The following TAF1D variants were observed in gnomAD, a reference collection of about 807,000 sequenced individuals.
TAF1D encodes the protein TATA-box binding protein associated factor, RNA polymerase I subunit D.
In TAF1D, 23 loss-of-function variants were observed where a neutral mutation model predicts 26.2. The ratio of observed to expected loss-of-function variants is 0.88; its 90% CI spans 0.63 to 1.25. The LOEUF is 1.25. TAF1D is among the 50% of genes most tolerant of loss of function. TAF1D has a pLI of 0.00. For missense variants in TAF1D, 299 were observed against 322.0 expected (o/e 0.93, Z 0.55); for synonymous variants, 100 against 105.6 (o/e 0.95, Z 0.33).
Position 93,738,106 on chromosome 11 carries a change from C to T in TAF1D, c.459+3G>A. ...TAGCCATGTATGTAAAATGCTGACT[C>T]ACCTCAAACGTTAAAATTTTTCTCC... is the stretch of plus-strand genomic sequence containing the variant. On this transcript the variant is annotated splice_donor_region_variant and intron_variant, in intron 3 of 5. Coordinates refer to ENST00000448108, the MANE Select transcript of TAF1D (RefSeq NM_024116.4). 2 of 1,544,958 alleles carry T rather than the reference C, an allele frequency of 1.3e-6. No homozygotes were observed. Among genetic ancestry groups the T allele is most frequent in the Non-Finnish European group, 1.7e-6 (2 of 1,154,766 alleles).
intron 5 of TAF1D, 117 bp downstream of exon 5, chr11:93,736,577 C>T (rs1238244052): frequency 6.8e-7 from 1 of 1,465,776 alleles, no homozygotes; most frequent in Non-Finnish European, 9.0e-7. Context: ...CTGCAGTAAA[C>T]TTATAGAGCT....
In TAF1D at chr11:93,737,102, CA is replaced by C; in HGVS notation, c.596del (p.Leu199TrpfsTer38). 2 of 1,607,946 alleles carry C rather than the reference CA, an allele frequency of 1.2e-6. No homozygotes were observed. The highest frequency in any genetic ancestry group is 2.2e-5 in the East Asian group (1 of 44,672). On this transcript the variant is annotated frameshift_variant, in exon 4 of 6. Transcript: ENST00000448108. LOFTEE classifies it high-confidence loss of function. ...EDFDSRRYKF[L>X]DDDGSISPIE... Reference sequence around the variant, plus strand: ...TAGGAGAAATGGATCCATCATCATCCAAAAATTTGTATCTACGACTGTCAAA... The same window carrying C: ...TAGGAGAAATGGATCCATCATCATCCAAAATTTGTATCTACGACTGTCAAA...
At chr11:93,730,630 C>T (rs776743704), downstream of TAF1D, 3 of 556,850 alleles carry the variant, frequency 5.4e-6, no homozygotes, top group Non-Finnish European at 1.0e-5. Context: ...CCTCATAAGC[C>T]CTCTTTGAAA....
chr11:93,733,556 T>C (rs186098182), downstream of TAF1D: 2,630 of 518,954 alleles, frequency 5.1e-3, 18 homozygotes, highest in Middle Eastern at 0.021. Context: ...TTTCCAACGA[T>C]GTGCAGGCTA....
rs749931424 is a variant in TAF1D, at chr11:93,738,159, C to G, written c.409G>C (p.Glu137Gln). The change falls in exon 3 of 6, where the codon GAA (glutamate) becomes CAA (glutamine). Residue 137 changes from glutamate (E) to glutamine (Q), a missense_variant. By Grantham distance (29) the Glu-to-Gln change is conservative. Coordinates refer to ENST00000448108, the MANE Select transcript of TAF1D (RefSeq NM_024116.4). ...GGTGCGTTTTTTTCATTCTCTGATTCTAAAAATGGGAAGCCAGATCCTCTG... is the reference window on the plus strand; with the variant it reads ...GGTGCGTTTTTTTCATTCTCTGATTGTAAAAATGGGAAGCCAGATCCTCTG... The part of the protein sequence containing the change: ...RSRGSGFPFL[E>Q]SENEKNAPWR... 1.0e-5 allele frequency: 16 copies of G among 1,567,892 alleles called. No individual in the cohort carries two copies. Among genetic ancestry groups the G allele is most frequent in the Non-Finnish European group, 1.4e-5 (16 of 1,167,266 alleles).
downstream of TAF1D, chr11:93,735,303 G>A (rs1940521134): frequency 5.7e-6 from 7 of 1,238,118 alleles, no homozygotes; most frequent in Non-Finnish European, 7.3e-6. Flanking sequence ...TGAACATCGG[G>A]GTAATGACTG....
In TAF1D at chr11:93,737,256, CCATAAGTATGT is replaced by C. The variant is rs1940976486; in HGVS notation, c.460-28_460-18del. Reference sequence around the variant, plus strand: ...AACAGCTTGCTATATATTAAAAACACCATAAGTATGTCGAGATTTTATTTTTAAGACCCAGC... The same window carrying C: ...AACAGCTTGCTATATATTAAAAACACCGAGATTTTATTTTTAAGACCCAGC... On this transcript the variant is annotated intron_variant, in intron 3 of 5. Coordinates refer to ENST00000448108, the MANE Select transcript of TAF1D (RefSeq NM_024116.4). 1 of 1,548,142 alleles carries C rather than the reference CCATAAGTATGT, an allele frequency of 6.5e-7. No individual in the cohort carries two copies. Among genetic ancestry groups the C allele is most frequent in the Non-Finnish European group, 8.7e-7 (1 of 1,144,536 alleles).
chr11:93,733,223 T>C (rs1303192022), downstream of TAF1D: 1 of 519,060 alleles, frequency 1.9e-6, no homozygotes, highest in African/African-American at 1.9e-5. Flanking sequence ...TACAGCCATA[T>C]CCAGCTCTGT....
At chr11:93,736,633 C>T (rs1940847592) in intron 5 of TAF1D, 61 bp downstream of exon 5, 1 of 1,590,098 alleles carries the variant, frequency 6.3e-7, no homozygotes. Context: ...AATATAATTC[C>T]TTCTGTATCA....
downstream of TAF1D, chr11:93,732,614 T>C (rs1280392585): frequency 2.2e-5 from 8 of 362,760 alleles, no homozygotes; most frequent in East Asian, 1.4e-4. Context: ...TTTTTCCTAA[T>C]TGTCACTGTA....
At chr11:93,738,565 G>C (rs1324888115) in intron 2 of TAF1D, 66 bp from the exon 3 acceptor site, 4 of 1,429,782 alleles carry the variant, frequency 2.8e-6, no homozygotes, top group Non-Finnish European at 3.7e-6. Context: ...TTAATACCCA[G>C]TCCTAAATGT....
At chr11:93,733,693 G>A (rs753786516), downstream of TAF1D, 2 of 451,680 alleles carry the variant, frequency 4.4e-6, no homozygotes, top group South Asian at 1.7e-5. Context: ...TGAGCCCAGG[G>A]GTTCGAGGCT....
At position 93,735,725 on chromosome 11, in the gene TAF1D, T is replaced by A; in HGVS notation, c.*436A>T. The A allele has an allele frequency of 7.8e-6, 8 of 1,028,214 alleles. No homozygotes were observed. Among genetic ancestry groups the A allele is most frequent in the Non-Finnish European group, 9.3e-6 (8 of 856,892 alleles). The allele number at this position is 1,028,214 out of a possible 1,614,324, so 63.7% of individuals were successfully genotyped here. A position where few individuals can be genotyped will look rare whatever the true frequency, so the allele number is the denominator to read the frequency against. On this transcript the variant is annotated 3_prime_UTR_variant, in exon 6 of 6. Transcript: ENST00000448108. ...GGAAAGGGAAATGAGGTTATTACAA[T>A]ACTAAGCATCTGACAGGTCACTTGT...
chr11:93,731,963 G>T (rs760862945), downstream of TAF1D: 1 of 496,378 alleles, frequency 2.0e-6, no homozygotes, highest in Non-Finnish European at 4.0e-6. Context: ...ATATTGAAAA[G>T]TCAACATTTT....
chr11:93,731,375 G>A, downstream of TAF1D: 2 of 381,772 alleles, frequency 5.2e-6, no homozygotes, highest in South Asian at 2.0e-5. Flanking sequence ...AAACTAATAG[G>A]TATTTTTAAA....
At chr11:93,739,201 A>C (rs1257421833) in intron 2 of TAF1D, 36 bp downstream of exon 2, 6 of 1,493,366 alleles carry the variant, frequency 4.0e-6, no homozygotes, top group Non-Finnish European at 4.6e-6. Flanking sequence ...AGTTTCTCAT[A>C]ATTCAGATAC....
At chr11:93,737,974 G>T in intron 3 of TAF1D, 135 bp downstream of exon 3, 1 of 924,122 alleles carries the variant, frequency 1.1e-6, no homozygotes, top group South Asian at 2.5e-5. Flanking sequence ...GACTTTAGGG[G>T]TAAGTCAGTA....
chr11:93,739,320 T>G lies in TAF1D; in HGVS notation c.-16A>C. The G allele has an allele frequency of 6.2e-7, 1 of 1,603,542 alleles. No individual in the cohort carries two copies. Among genetic ancestry groups the G allele is most frequent in the Non-Finnish European group, 8.5e-7 (1 of 1,176,572 alleles). ...ATTTATCCATCAATTGCTCTTTGTT[T>G]TAAACAGTTTTCTGAAATTATGAAA... On this transcript the variant is annotated 5_prime_UTR_variant, in exon 2 of 6. Transcript: ENST00000448108.
rs899329631 is a variant in TAF1D at position 93,735,735 on chromosome 11, C to T, written c.*426G>A. 4 of 1,034,494 alleles carry T rather than the reference C, an allele frequency of 3.9e-6. No homozygotes were observed. In the African/African-American group the frequency reaches 7.0e-5, roughly 18 times the overall value. 64.1% of individuals were successfully genotyped at this position (1,034,494 alleles called of 1,614,324 possible). On this transcript the variant is annotated 3_prime_UTR_variant, in exon 6 of 6. Transcript: ENST00000448108. Reference sequence around the variant, plus strand: ...ATGAGGTTATTACAATACTAAGCATCTGACAGGTCACTTGTCATGGCTGAA... The same window carrying T: ...ATGAGGTTATTACAATACTAAGCATTTGACAGGTCACTTGTCATGGCTGAA...
Sources: allele counts gnomAD v4.1 joint callset, GRCh38; gene constraint gnomAD v4.1.1; transcripts MANE v1.5; gene names NCBI Gene and HGNC (gene_info 2026-07-23, HGNC 2026-07-21).